The following CNTNAP3 variants were observed in gnomAD, a reference collection of about 807,000 sequenced individuals.
CNTNAP3 encodes contactin-associated protein-like 3.
In CNTNAP3, 36 loss-of-function variants were observed where a neutral mutation model predicts 92.1. That is an observed-to-expected ratio of 0.39 (90% CI 0.30 to 0.52). The LOEUF (loss-of-function observed/expected upper bound fraction) is 0.52, where lower values mean the gene tolerates loss of function less well. Ranked by LOEUF, CNTNAP3 falls within the 20% of genes least tolerant of loss-of-function variation. The probability of loss-of-function intolerance (pLI) is 0.76; values close to 1 mark genes in which losing one functional copy is unlikely to be tolerated. For missense variants in CNTNAP3, 534 were observed against 1,069.6 expected (o/e 0.50, Z 6.98); for synonymous variants, 232 against 422.3 (o/e 0.55, Z 5.53).
Position 39,073,126 on chromosome 9 carries a change from A to T in CNTNAP3, c.*764T>A, listed in dbSNP as rs1458319660. 6.5e-6 allele frequency: 1 copy of T among 154,570 alleles called. No homozygotes were observed. Among genetic ancestry groups the T allele is most frequent in the African/African-American group, 2.4e-5 (1 of 41,442 alleles). 9.6% of individuals were successfully genotyped at this position (154,570 alleles called of 1,614,324 possible). On this transcript the variant is annotated 3_prime_UTR_variant, in exon 24 of 24. Transcript: ENST00000297668. ...TTGTTACCTACCAATGTTCTGTTCCATTATAAAATTCAATACTAAAATTTC... is the reference window on the plus strand; with the variant it reads ...TTGTTACCTACCAATGTTCTGTTCCTTTATAAAATTCAATACTAAAATTTC...
chr9:39,075,696 G>T (rs1413149018), intron 23 of CNTNAP3, among the ~76,000 whole-genome samples: 1 of 152,258 alleles, frequency 6.6e-6, no homozygotes, highest in East Asian at 1.9e-4. Context: ...TCTTCCCACG[G>T]TTTCTTGCCT....
rs981063081 is a variant in CNTNAP3 at position 39,103,795 on chromosome 9, C to G, written c.2485G>C (p.Val829Leu). Reference protein sequence around the residue: ...FFFKTTVSSGVFMENLGITDF... With the variant: ...FFFKTTVSSGLFMENLGITDF... ...GTGATCCCCAGGTTCTCCATAAACACCCCGGAGGAAACTGTGGTCTTAAAA... is the reference window on the plus strand; with the variant it reads ...GTGATCCCCAGGTTCTCCATAAACAGCCCGGAGGAAACTGTGGTCTTAAAA... The change falls in exon 16 of 24, where the codon GTG becomes CTG. Residue 829 changes from valine (V) to leucine (L), a missense_variant. Physicochemically the swap from Val to Leu is conservative, Grantham distance 32 (BLOSUM62 1). Coordinates refer to ENST00000297668, the MANE Select transcript of CNTNAP3 (RefSeq NM_033655.5). The G allele has an allele frequency of 1.6e-5, 26 of 1,611,242 alleles. No individual in the cohort carries two copies. Among genetic ancestry groups the G allele is most frequent in the Non-Finnish European group, 2.0e-5 (24 of 1,179,802 alleles).
Position 39,066,743 on chromosome 9 carries a change from C to T in CNTNAP3, c.*7147G>A, listed in dbSNP as rs1825517185. ...TTGCTTCCAAAAAGAAGTCTGGTAT[C>T]ATCCTTGTTTTTCTTCTCTGTGTAA... On this transcript the variant is annotated 3_prime_UTR_variant, in exon 24 of 24. Coordinates refer to ENST00000297668, the MANE Select transcript of CNTNAP3 (RefSeq NM_033655.5). Among the ~76,000 whole-genome samples the T allele has an allele frequency of 6.6e-6, 1 of 152,306 alleles. No homozygotes were observed. Among genetic ancestry groups the T allele is most frequent in the Non-Finnish European group, 1.5e-5 (1 of 68,058 alleles).
rs546276831 is a variant in CNTNAP3 at position 39,066,260 on chromosome 9, A to G, written c.*7630T>C. 6.6e-6 allele frequency among the ~76,000 whole-genome samples: 1 copy of G among 152,338 alleles called. No individual in the cohort carries two copies. The highest frequency in any genetic ancestry group is 1.9e-4 in the East Asian group (1 of 5,194). Reference sequence around the variant, plus strand: ...TACACACAGTCTAAGAACCTTACAAACTAAACTATATTTCCATTTACTCTA... The same window carrying G: ...TACACACAGTCTAAGAACCTTACAAGCTAAACTATATTTCCATTTACTCTA... On this transcript the variant is annotated 3_prime_UTR_variant, in exon 24 of 24. Coordinates refer to ENST00000297668, the MANE Select transcript of CNTNAP3 (RefSeq NM_033655.5).
intron 14 of CNTNAP3, among the ~76,000 whole-genome samples, chr9:39,116,429 T>G (rs893101410): frequency 6.6e-6 from 1 of 152,000 alleles, no homozygotes; most frequent in African/African-American, 2.4e-5. Context: ...AAGGTCGCTG[T>G]TTGTCTCATT....
At chr9:39,136,166 A>AATAATAAT (rs1821428721) in intron 12 of CNTNAP3, among the ~76,000 whole-genome samples, 1 of 136,742 alleles carries the variant, frequency 7.3e-6, no homozygotes, top group African/African-American at 2.9e-5. Context: ...ATAATAATAA[A>AATAATAAT]AATAATAGTT....
At chr9:39,078,578 A>C (rs1825846103) in intron 22 of CNTNAP3, 112 bp downstream of exon 22, 4 of 1,547,454 alleles carry the variant, frequency 2.6e-6, no homozygotes, top group Admixed American at 4.0e-5. Flanking sequence ...ATGTATTTTA[A>C]AAAAGGAAAA....
At chr9:39,095,391 T>C (rs1826301969) in intron 18 of CNTNAP3, among the ~76,000 whole-genome samples, 1 of 151,644 alleles carries the variant, frequency 6.6e-6, no homozygotes, top group African/African-American at 2.4e-5. Flanking sequence ...CTGGGCATAC[T>C]TGTCGTGTTT....
chr9:39,136,581 T>C (rs577060904), intron 12 of CNTNAP3, among the ~76,000 whole-genome samples: 1 of 152,138 alleles, frequency 6.6e-6, no homozygotes, highest in Non-Finnish European at 1.5e-5. Flanking sequence ...TAAGGTGCTT[T>C]CTTCCTCTGA....
At chr9:39,256,479 G>A (rs146772461) in intron 2 of CNTNAP3, among the ~76,000 whole-genome samples, 581 of 19,086 alleles carry the variant, frequency 0.03, 132 homozygotes, top group African/African-American at 0.07. Flanking sequence ...TTTGTAAAGC[G>A]TTGCGTTTAA....
rs1820754769 is a variant in CNTNAP3, at chr9:39,113,318, TG to T, written c.2238-4032del. Among the ~76,000 whole-genome samples, 8 of 152,346 alleles carry T rather than the reference TG, an allele frequency of 5.3e-5. No homozygotes were observed. In the South Asian group the frequency reaches 1.7e-3, roughly 32 times the overall value. ...GTCCTTAATTCTCTTGAATAAGTTT[TG>T]TAATTTTGTAATTTTTTCCATAAAA... On this transcript the variant is annotated intron_variant, in intron 14 of 23. Transcript: ENST00000297668.
chr9:39,084,028 CATA>C (rs972976413), intron 21 of CNTNAP3, among the ~76,000 whole-genome samples: 9 of 151,294 alleles, frequency 5.9e-5, no homozygotes, highest in Admixed American at 5.9e-4. Flanking sequence ...TGTTAGGGTG[CATA>C]ATAATAAATT....
chr9:39,133,046 A>G lies in CNTNAP3; in HGVS notation c.1966T>C (p.Ser656Pro), dbSNP rs1762992938. 7 of 1,552,814 alleles carry G rather than the reference A, an allele frequency of 4.5e-6. No individual in the cohort carries two copies. The highest frequency in any genetic ancestry group is 1.3e-5 in the African/African-American group (1 of 74,230). ...CCCGCGCCCGCTGCGTACGCGAAGG[A>G]CACAGCCGAGCGCGGGTGCCCGCTG... ...APSGHPRSAV[S>P]FAYAAGAGQL... is the part of the protein sequence containing the mutation. The change falls in exon 13 of 24, where the codon TCC (serine) becomes CCC (proline). Residue 656 changes from serine (S) to proline (P), a missense_variant. Physicochemically the swap from Ser to Pro is moderately conservative, Grantham distance 74. Transcript: ENST00000297668.
intron 18 of CNTNAP3, among the ~76,000 whole-genome samples, chr9:39,098,974 CTT>C (rs201666622): frequency 0.21 from 30,553 of 144,200 alleles, 3,356 homozygotes; most frequent in East Asian, 0.37. Context: ...TTTTCCTTTT[CTT>C]TTTTTTTTTT....
chr9:39,092,553 T>C (rs1471761971), intron 18 of CNTNAP3, among the ~76,000 whole-genome samples: 1 of 137,360 alleles, frequency 7.3e-6, no homozygotes. Flanking sequence ...CTTTATGTTA[T>C]TATTTTCATC....
chr9:39,118,353 G>A (rs1820912388), intron 13 of CNTNAP3, 94 bp from the exon 14 acceptor site: 2 of 1,534,914 alleles, frequency 1.3e-6, no homozygotes, highest in South Asian at 1.2e-5. Flanking sequence ...TAAAGTGTAT[G>A]TGTGAGAGAC....
rs1023774797 is a variant in CNTNAP3, at chr9:39,071,577, A to G, written c.*2313T>C. On this transcript the variant is annotated 3_prime_UTR_variant, in exon 24 of 24. Transcript: ENST00000297668. Reference sequence around the variant, plus strand: ...GGGAAATTATTATGCTTTTACTTTTATGTTACAAAAGGGTGTTACTTGCAA... The same window carrying G: ...GGGAAATTATTATGCTTTTACTTTTGTGTTACAAAAGGGTGTTACTTGCAA... Among the ~76,000 whole-genome samples the G allele has an allele frequency of 7.2e-5, 11 of 152,078 alleles. No individual in the cohort carries two copies. Among genetic ancestry groups the G allele is most frequent in the African/African-American group, 2.7e-4 (11 of 41,424 alleles).
At chr9:39,134,548 C>A (rs373031039) in intron 12 of CNTNAP3, among the ~76,000 whole-genome samples, 2 of 152,114 alleles carry the variant, frequency 1.3e-5, no homozygotes, top group African/African-American at 4.8e-5. Context: ...TCTCAGCCTC[C>A]CAAGTAGCTG....
At position 39,144,316 on chromosome 9, in the gene CNTNAP3, G is replaced by A. The variant is rs200505533; in HGVS notation, c.1680C>T (p.Gly560=). The part of the protein sequence containing the change: ...RCLPSYCEHG[G]ECSQSWDTFS... ...AGGTGTCCCACGACTGGGAACACTC[G>A]CCCCCATGCTCACAGTAGCTGGGCA... The change falls in exon 11 of 24, where the codon GGC becomes GGT. Residue 560 remains glycine, a synonymous_variant. Coordinates refer to ENST00000297668, the MANE Select transcript of CNTNAP3 (RefSeq NM_033655.5). 123 of 1,572,188 alleles carry A rather than the reference G, an allele frequency of 7.8e-5. No individual in the cohort carries two copies. Among genetic ancestry groups the A allele is most frequent in the Admixed American group, 1.8e-4 (10 of 54,888 alleles).
Sources: allele counts gnomAD v4.1 joint callset (sites outside exome capture counted in the v4.1 genomes callset), GRCh38; gene constraint gnomAD v4.1.1; transcripts MANE v1.5; gene names NCBI Gene and HGNC (gene_info 2026-07-23, HGNC 2026-07-21).